UPF3B: variants seen among roughly 807,000 people sequenced by gnomAD.
UPF3B encodes the protein regulator of nonsense transcripts 3B.
Under a neutral mutation model 40.3 loss-of-function variants are expected in UPF3B, and 7 were observed. The ratio of observed to expected loss-of-function variants is 0.17; its 90% CI spans 0.10 to 0.33. UPF3B has a LOEUF of 0.33. Among genes scored for constraint, UPF3B ranks in the 10% least tolerant of loss-of-function variants. The pLI is 1.00. For synonymous variants in UPF3B, 117 were observed against 117.3 expected (o/e 1.00, Z 0.01); for missense variants, 229 against 358.9 (o/e 0.64, Z 2.93).
chrX:119,845,123 G>A lies in UPF3B; in HGVS notation c.469+75C>T, dbSNP rs762285561. 1.6e-5 allele frequency: 14 copies of A among 867,184 alleles called. 1 individual carries two copies. Among genetic ancestry groups the A allele is most frequent in the South Asian group, 1.1e-4 (5 of 44,624 alleles). The allele number at this position is 867,184 out of a possible 1,213,427, so 71.5% of individuals were successfully genotyped here. On this transcript the variant is annotated intron_variant, in intron 4 of 10. Transcript: ENST00000276201. ...TTTTCTAATTTAAAATTTTGGGGTC[G>A]AATTAACTCTCACAAAGATATTATT...
rs1188056913 is a variant in UPF3B, at chrX:119,805,337, TCAAAA to T, written c.*105_*109del. 2.9e-5 allele frequency: 7 copies of T among 242,841 alleles called. No individual in the cohort carries two copies. In the Admixed American group the frequency reaches 4.7e-4, roughly 16 times the overall value. The allele number at this position is 242,841 out of a possible 1,213,427, so 20.0% of individuals were successfully genotyped here. ...TGAATGTTGTTACTATTTATTGACA[TCAAAA>T]CAAAACAAGCTGAGACTAAAAGTTG... On this transcript the variant is annotated 3_prime_UTR_variant, in exon 7 of 7. Coordinates refer to the UPF3B transcript ENST00000636792.
intron 6 of UPF3B, among the ~76,000 whole-genome samples, chrX:119,806,798 C>T (rs1052864101): frequency 5.5e-5 from 6 of 109,716 alleles, no homozygotes; most frequent in East Asian, 2.8e-4. Flanking sequence ...AAGGCCGAAG[C>T]GGGGGGAATC....
downstream of UPF3B, chrX:119,831,635 C>T: frequency 1.4e-6 from 1 of 723,759 alleles, no homozygotes; most frequent in Non-Finnish European, 1.6e-6. Context: ...TTCTTTTCTA[C>T]AGCTAATACT....
At chrX:119,830,814 G>GTA (rs1239124752), downstream of UPF3B, among the ~76,000 whole-genome samples, 1 of 109,700 alleles carries the variant, frequency 9.1e-6, no homozygotes, top group East Asian at 2.8e-4. Context: ...CCCTGTACTT[G>GTA]TACTATGAGG....
intron 7 of UPF3B, 78 bp from the exon 8 acceptor site, chrX:119,840,762 A>G (rs2056151757): frequency 1.0e-6 from 1 of 1,001,338 alleles, no homozygotes; most frequent in Non-Finnish European, 1.4e-6. Flanking sequence ...AAAACCATAA[A>G]TCATGCCAGC....
At chrX:119,810,995 A>G (rs773023286) in intron 5 of UPF3B, among the ~76,000 whole-genome samples, 27 of 110,348 alleles carry the variant, frequency 2.4e-4, no homozygotes, top group Admixed American at 7.8e-4. Flanking sequence ...ACCTTGGTGG[A>G]TCTTATAAGT....
chrX:119,846,457 G>C (rs1201675963), intron 3 of UPF3B, among the ~76,000 whole-genome samples: 1 of 106,006 alleles, frequency 9.4e-6, no homozygotes, highest in Non-Finnish European at 1.9e-5. Context: ...GAACCTGGGA[G>C]GCGGAGGTTG....
At chrX:119,844,941 G>T (rs2056209892) in intron 4 of UPF3B, among the ~76,000 whole-genome samples, 1 of 112,097 alleles carries the variant, frequency 8.9e-6, no homozygotes, top group African/African-American at 3.2e-5. Flanking sequence ...ATGGTGATTT[G>T]TTACTCAATA....
chrX:119,849,440 C>A (rs1263049833), intron 3 of UPF3B, among the ~76,000 whole-genome samples: 1 of 106,358 alleles, frequency 9.4e-6, no homozygotes, highest in Non-Finnish European at 1.9e-5. Flanking sequence ...TTGTAATGAG[C>A]CAAGATTGTG....
chrX:119,845,122 C>A, intron 4 of UPF3B, 76 bp downstream of exon 4: 3 of 852,715 alleles, frequency 3.5e-6, no homozygotes, highest in South Asian at 4.5e-5. Flanking sequence ...ATTTTGGGGT[C>A]GAATTAACTC....
intron 4 of UPF3B, among the ~76,000 whole-genome samples, chrX:119,844,556 C>T (rs1411780836): frequency 3.6e-5 from 4 of 110,947 alleles, no homozygotes; most frequent in Admixed American, 1.9e-4. Flanking sequence ...GGTGAGGCCT[C>T]AAGAAGCACC....
rs376246448 is a variant in UPF3B, at chrX:119,805,918, A to G, written c.*12-483T>C. On this transcript the variant is annotated intron_variant, in intron 6 of 6. Transcript: ENST00000636792. The stretch of plus-strand genomic sequence containing the variant: ...AACTAGTTCAACCATTGTGGAAGTC[A>G]GTGTGGCGATTCCTCAGGGATCTAG... Among the ~76,000 whole-genome samples the G allele has an allele frequency of 6.3e-4, 45 of 71,220 alleles. 1 individual carries two copies. The East Asian group carries it at 0.016, about 26-fold the overall frequency. 61.8% of individuals were successfully genotyped at this position (71,220 alleles called of 115,157 possible).
intron 10 of UPF3B, among the ~76,000 whole-genome samples, chrX:119,835,973 T>C (rs1282758579): frequency 9.0e-6 from 1 of 110,724 alleles, no homozygotes; most frequent in Non-Finnish European, 1.9e-5. Flanking sequence ...CAAGACTCTG[T>C]CTCAAAAAAT....
exon 4 of UPF3B, chrX:119,823,029 C>T: frequency 1.2e-6 from 1 of 845,047 alleles, no homozygotes; most frequent in South Asian, 4.0e-5. Context: ...GGTAACACTG[C>T]ATCCATGGAC....
chrX:119,851,326 T>C (rs912825959), intron 3 of UPF3B, among the ~76,000 whole-genome samples, 169 bp downstream of exon 3: 2 of 104,934 alleles, frequency 1.9e-5, no homozygotes, highest in African/African-American at 8.2e-5. Flanking sequence ...ACTAAAAAAA[T>C]AGTAGGTTAA....
intron 3 of UPF3B, among the ~76,000 whole-genome samples, chrX:119,849,042 G>A (rs189525932): frequency 2.6e-4 from 29 of 112,067 alleles, no homozygotes; most frequent in Admixed American, 1.9e-3. Flanking sequence ...GTCACAGAAT[G>A]TCAAAAACAA....
intron 5 of UPF3B, among the ~76,000 whole-genome samples, chrX:119,813,111 A>G (rs867613190): frequency 8.9e-6 from 1 of 111,920 alleles, no homozygotes; most frequent in African/African-American, 3.2e-5. Flanking sequence ...TTAAGAAAGT[A>G]AAGGCGAACT....
At chrX:119,807,744 A>G (rs1430365345) in intron 5 of UPF3B, among the ~76,000 whole-genome samples, 1 of 111,552 alleles carries the variant, frequency 9.0e-6, no homozygotes, top group African/African-American at 3.3e-5. Context: ...TCCTCTCTCC[A>G]TCTCCAAAGA....
chrX:119,843,511 T>C (rs2056191628), intron 4 of UPF3B, among the ~76,000 whole-genome samples: 1 of 112,228 alleles, frequency 8.9e-6, no homozygotes, highest in African/African-American at 3.2e-5. Context: ...TATAGGAATC[T>C]GGTATAACAT....
Sources: gnomAD v4.1 joint callset for allele counts (sites outside exome capture counted in the v4.1 genomes callset) on GRCh38, gnomAD v4.1.1 for gene constraint, MANE v1.5 for transcripts, NCBI Gene and HGNC (gene_info 2026-07-23, HGNC 2026-07-21) for gene names.